Variants in PDE1C observed in about 807,000 individuals in gnomAD.
PDE1C encodes dual specificity calcium/calmodulin-dependent 3',5'-cyclic nucleotide phosphodiesterase 1C.
A neutral mutation model predicts 93.1 loss-of-function variants in PDE1C; 62 were observed. The ratio of observed to expected loss-of-function variants is 0.67; its 90% CI spans 0.54 to 0.82. The LOEUF (loss-of-function observed/expected upper bound fraction) is 0.82, where lower values mean the gene tolerates loss of function less well. Among genes scored for constraint, PDE1C ranks in the 40% least tolerant of loss-of-function variants. PDE1C has a pLI of 0.00. For synonymous variants in PDE1C, 325 were observed against 310.1 expected (o/e 1.05, Z -0.50); for missense variants, 742 against 884.6 (o/e 0.84, Z 2.04).
chr7:32,358,282 G>C (rs895314440), intron 1 of PDE1C, among the ~76,000 whole-genome samples: 1 of 143,702 alleles, frequency 7.0e-6, no homozygotes, highest in African/African-American at 2.4e-5. Context: ...ACCCCGACAG[G>C]CATGTTTGTT....
At chr7:31,962,975 C>A (rs948733014) in intron 2 of PDE1C, among the ~76,000 whole-genome samples, 3 of 152,076 alleles carry the variant, frequency 2.0e-5, no homozygotes, top group Non-Finnish European at 4.4e-5. Context: ...TTAAGTTTAG[C>A]CCCTTTAAAA....
At chr7:31,921,344 AG>A (rs749925975) in intron 2 of PDE1C, among the ~76,000 whole-genome samples, 1 of 152,186 alleles carries the variant, frequency 6.6e-6, no homozygotes, top group Non-Finnish European at 1.5e-5. Context: ...GCATTCTTGT[AG>A]TTAGCGATTC....
At chr7:31,712,554 C>T in the PDE1C span, among the ~76,000 whole-genome samples, 1 of 152,220 alleles carries the variant, frequency 6.6e-6, no homozygotes, top group South Asian at 2.1e-4. Flanking sequence ...CTCCTACTCT[C>T]AGGAGTCAGT....
intron 17 of PDE1C, among the ~76,000 whole-genome samples, chr7:31,758,114 G>A (rs560362453): frequency 5.3e-5 from 8 of 152,180 alleles, no homozygotes; most frequent in Non-Finnish European, 5.9e-5. Flanking sequence ...ACTTGGGCAC[G>A]AGAAGGGGAA....
At chr7:32,238,757 T>C (rs1808327549) in intron 1 of PDE1C, among the ~76,000 whole-genome samples, 2 of 152,228 alleles carry the variant, frequency 1.3e-5, no homozygotes, top group Non-Finnish European at 2.9e-5. Context: ...AAACTTGATA[T>C]AGAACAAGTT....
the PDE1C span, among the ~76,000 whole-genome samples, chr7:31,650,642 G>A: frequency 4.6e-5 from 7 of 152,114 alleles, no homozygotes; most frequent in African/African-American, 1.7e-4. Flanking sequence ...CAACCTCCAG[G>A]ACTGTGACTA....
chr7:32,170,190 T>C (rs1055330196), intron 2 of PDE1C, among the ~76,000 whole-genome samples: 4 of 152,204 alleles, frequency 2.6e-5, no homozygotes, highest in East Asian at 3.8e-4. Context: ...TCTTGTCTCA[T>C]TGCAGTGGTG....
At chr7:32,361,339 C>A (rs180803795) in intron 1 of PDE1C, among the ~76,000 whole-genome samples, 74 of 152,332 alleles carry the variant, frequency 4.9e-4, no homozygotes, top group African/African-American at 1.7e-3. Flanking sequence ...GCCCCTTCAT[C>A]CCTGTCTGTA....
At chr7:32,144,425 C>G (rs934550936) in intron 3 of PDE1C, among the ~76,000 whole-genome samples, 3 of 152,154 alleles carry the variant, frequency 2.0e-5, no homozygotes, top group Non-Finnish European at 4.4e-5. Context: ...TTTTGATTGA[C>G]CCAGCCAGAA....
intron 10 of PDE1C, among the ~76,000 whole-genome samples, 180 bp from the exon 11 acceptor site, chr7:31,837,480 C>A (rs1791268210): frequency 6.6e-6 from 1 of 152,194 alleles, no homozygotes; most frequent in Non-Finnish European, 1.5e-5. Flanking sequence ...AACTTGGTCT[C>A]CATATTTACG....
At chr7:32,367,725 T>G (rs939921591) in intron 1 of PDE1C, among the ~76,000 whole-genome samples, 5 of 152,040 alleles carry the variant, frequency 3.3e-5, no homozygotes, top group African/African-American at 1.2e-4. Context: ...GGAGGATTGC[T>G]TGAGGCCAGG....
chr7:32,193,538 T>C lies in PDE1C; in HGVS notation c.136+15951A>G, dbSNP rs557600454. 9.8e-5 allele frequency among the ~76,000 whole-genome samples: 15 copies of C among 152,334 alleles called. No homozygotes were observed. The South Asian group carries it at 2.1e-3, about 21-fold the overall frequency. ...GCATAGACTTTGTTTTATATATTAT[T>C]GAATTCTATTTGTGAAAATTTTGTT... On this transcript the variant is annotated intron_variant, in intron 2 of 18. Coordinates refer to the PDE1C transcript ENST00000396193.
At chr7:31,774,800 A>G (rs28419519) in intron 17 of PDE1C, among the ~76,000 whole-genome samples, 20,158 of 152,214 alleles carry the variant, frequency 0.13, 1,658 homozygotes, top group Non-Finnish European at 0.18. Context: ...CTAGAGAAAA[A>G]GTATTTAATA....
chr7:31,850,764 T>G (rs766140659), intron 7 of PDE1C, 23 bp from the exon 8 acceptor site: 1 of 1,509,112 alleles, frequency 6.6e-7, no homozygotes, highest in South Asian at 1.1e-5. Flanking sequence ...TACAGAGCAA[T>G]CAGATAATCT....
intron 2 of PDE1C, among the ~76,000 whole-genome samples, chr7:31,904,248 A>G (rs1460237110): frequency 6.6e-6 from 1 of 152,170 alleles, no homozygotes; most frequent in Non-Finnish European, 1.5e-5. Flanking sequence ...ACTGGGCAAT[A>G]GGAAGATAAA....
chr7:31,782,540 C>T (rs1478350760), intron 16 of PDE1C, among the ~76,000 whole-genome samples: 2 of 152,082 alleles, frequency 1.3e-5, no homozygotes, highest in African/African-American at 2.4e-5. Flanking sequence ...CCATGCGAAA[C>T]GATACACCAG....
chr7:32,331,322 T>C (rs1783510643), intron 1 of PDE1C, among the ~76,000 whole-genome samples: 1 of 152,200 alleles, frequency 6.6e-6, no homozygotes, highest in Non-Finnish European at 1.5e-5. Flanking sequence ...CAACAATTTA[T>C]TAAGCTGCGC....
chr7:32,417,638 A>G lies in PDE1C; in HGVS notation c.310+10184T>C, dbSNP rs919385624. Among the ~76,000 whole-genome samples the G allele has an allele frequency of 2.5e-4, 35 of 138,270 alleles. 1 individual carries two copies. The highest frequency in any genetic ancestry group is 3.1e-5 in the Non-Finnish European group (2 of 64,400). 90.7% of individuals were successfully genotyped at this position (138,270 alleles called of 152,430 possible). A position where few individuals can be genotyped will look rare whatever the true frequency, so the allele number is the denominator to read the frequency against. On this transcript the variant is annotated intron_variant, in intron 1 of 1. Transcript: ENST00000672256. ...ATATTAACTCCCAGGGAAAAGTTCT[A>G]TTTTTTTTTTGGTACTATAATCCCA... is the stretch of plus-strand genomic sequence containing the variant.
At chr7:32,081,285 A>C (rs6462324) in intron 3 of PDE1C, among the ~76,000 whole-genome samples, 95,176 of 152,082 alleles carry the variant, frequency 0.63, 30,158 homozygotes, top group African/African-American at 0.71. Context: ...AATTAAGACC[A>C]TGTTAGAAAC....
Sources: allele counts gnomAD v4.1 joint callset (sites outside exome capture counted in the v4.1 genomes callset), GRCh38; gene constraint gnomAD v4.1.1; transcripts MANE v1.5; gene names NCBI Gene and HGNC (gene_info 2026-07-23, HGNC 2026-07-21).